The following STRIP1 variants were observed in gnomAD, a reference collection of about 807,000 sequenced individuals.
The protein encoded by STRIP1 is striatin interacting protein 1, also known as striatin-interacting protein 1.
STRIP1 carries 63 observed loss-of-function variants against 106.2 expected under a neutral mutation model. That is an observed-to-expected ratio of 0.59 (90% confidence interval 0.48 to 0.73). The LOEUF (loss-of-function observed/expected upper bound fraction) is 0.73, where lower values mean the gene tolerates loss of function less well. STRIP1 is among the 30% of genes least tolerant of loss of function. STRIP1 has a pLI of 0.00. For synonymous variants in STRIP1, 390 were observed against 413.0 expected, an observed-to-expected ratio of 0.94 and a Z score of 0.67; for missense variants, 857 against 1,074.8, an observed-to-expected ratio of 0.80 and a Z score of 2.83.
In STRIP1 at chr1:110,037,874, T is replaced by A. The variant is rs1211484905; in HGVS notation, c.181-17T>A. 9 of 1,583,898 alleles carry A rather than the reference T, an allele frequency of 5.7e-6. No individual in the cohort carries two copies. The highest frequency in any genetic ancestry group is 6.9e-6 in the Non-Finnish European group (8 of 1,153,314). On this transcript the variant is annotated splice_polypyrimidine_tract_variant and intron_variant, in intron 1 of 20. Transcript: ENST00000369795. Reference sequence around the variant, plus strand: ...AGAATGATCCTTTTTCCTAAAGCTCTCTCCTCTTGTCAGCAGGGCTATTCG... The same window carrying A: ...AGAATGATCCTTTTTCCTAAAGCTCACTCCTCTTGTCAGCAGGGCTATTCG...
In STRIP1 at chr1:110,047,797, C is replaced by A; in HGVS notation, c.1589C>A (p.Ala530Asp). The change falls in exon 15 of 21, where the codon GCT becomes GAT. Residue 530 changes from alanine (A) to aspartate (D), a missense_variant. Around this residue, in one of 2 missense-constraint regions of STRIP1, gnomAD observed 750 missense variants for 989.8 expected, o/e 0.76. Coordinates refer to ENST00000369795, the MANE Select transcript of STRIP1 (RefSeq NM_033088.4). ...ATTGCCCTCCTGAAGATCCTGTTGGCTGCAGCACCCACCTCAAAAGCCAAA... is the reference window on the plus strand; with the variant it reads ...ATTGCCCTCCTGAAGATCCTGTTGGATGCAGCACCCACCTCAAAAGCCAAA... ...YMIALLKILL[A>D]AAPTSKAKTD... is the part of the protein sequence containing the mutation. The A allele has an allele frequency of 6.4e-7, 1 of 1,570,808 alleles. No homozygotes were observed. The highest frequency in any genetic ancestry group is 1.2e-5 in the South Asian group (1 of 85,620).
chr1:110,041,513 T>C, intron 6 of STRIP1, 23 bp from the exon 7 acceptor site: 1 of 1,594,278 alleles, frequency 6.3e-7, no homozygotes, highest in Non-Finnish European at 8.6e-7. Context: ...CCCACTCCAT[T>C]GTGAGCTGGC....
At chr1:110,045,199 G>T (rs994616248) in intron 12 of STRIP1, 121 bp downstream of exon 12, 34 of 823,534 alleles carry the variant, frequency 4.1e-5, no homozygotes, top group Non-Finnish European at 6.6e-5. Context: ...GTAGAGGCCG[G>T]GGTGGACTTT....
chr1:110,037,782 A>C, intron 1 of STRIP1, 109 bp from the exon 2 acceptor site: 1 of 731,414 alleles, frequency 1.4e-6, no homozygotes, highest in Non-Finnish European at 2.3e-6. Context: ...GAAAAAACAT[A>C]AAAAAGTGGA....
chr1:110,034,561 T>G (rs950194051), upstream of STRIP1: 4 of 1,435,816 alleles, frequency 2.8e-6, no homozygotes, highest in East Asian at 5.9e-5. Flanking sequence ...GCCAGGGAAA[T>G]TTCCTGGAGA....
intron 13 of STRIP1, among the ~76,000 whole-genome samples, chr1:110,046,968 T>C (rs1653054876): frequency 6.6e-6 from 1 of 151,762 alleles, no homozygotes; most frequent in East Asian, 1.9e-4. Flanking sequence ...AAGAATGACG[T>C]GAACCCGGGA....
intron 17 of STRIP1, 181 bp from the exon 18 acceptor site, chr1:110,050,162 C>A: frequency 1.6e-6 from 1 of 606,396 alleles, no homozygotes. Context: ...TACAAGTTCT[C>A]TTGTAACAGA....
intron 17 of STRIP1, 123 bp downstream of exon 17, chr1:110,049,683 CAT>C (rs934808648): frequency 2.4e-5 from 16 of 671,666 alleles, no homozygotes; most frequent in African/African-American, 3.6e-5. Context: ...GGCATCAAGA[CAT>C]AAAGATAAAT....
At chr1:110,050,874 G>A in intron 18 of STRIP1, 82 bp from the exon 19 acceptor site, 2 of 818,614 alleles carry the variant, frequency 2.4e-6, no homozygotes, top group Non-Finnish European at 4.3e-6. Context: ...CGGCTGTCCT[G>A]AGATCATGTG....
upstream of STRIP1, chr1:110,034,576 C>G (rs1462344618): frequency 6.9e-7 from 1 of 1,446,066 alleles, no homozygotes; most frequent in Non-Finnish European, 9.1e-7. Context: ...TGGAGAAAAT[C>G]ACGCGAGAGT....
chr1:110,050,423 C>A lies in STRIP1; in HGVS notation c.1956+14C>A. On this transcript the variant is annotated intron_variant, in intron 18 of 20. Coordinates refer to ENST00000369795, the MANE Select transcript of STRIP1 (RefSeq NM_033088.4). ...GCGGAGAGTTTGGTGAGTGGCTGGG[C>A]TCTCCTCAGCTGTCCTTTTGGCACC... 6.2e-7 allele frequency: 1 copy of A among 1,613,560 alleles called. No individual in the cohort carries two copies.
chr1:110,048,700 G>C (rs998863646), intron 15 of STRIP1, among the ~76,000 whole-genome samples: 7 of 152,236 alleles, frequency 4.6e-5, no homozygotes, highest in African/African-American at 1.7e-4. Context: ...AGAAACCAAT[G>C]TAACTCAGTG....
chr1:110,049,284 G>A, intron 16 of STRIP1, 46 bp downstream of exon 16: 3 of 1,612,858 alleles, frequency 1.9e-6, no homozygotes, highest in Non-Finnish European at 8.5e-7. Flanking sequence ...GGGGCCTCGG[G>A]CACTGCTGCT....
chr1:110,038,648 A>G (rs1652609967), intron 2 of STRIP1, 35 bp from the exon 3 acceptor site: 1 of 1,590,576 alleles, frequency 6.3e-7, no homozygotes, highest in Non-Finnish European at 8.6e-7. Flanking sequence ...CAATGCAGAC[A>G]TGGAACCAAT....
chr1:110,037,795 C>T, intron 1 of STRIP1, 96 bp from the exon 2 acceptor site: 1 of 819,982 alleles, frequency 1.2e-6, no homozygotes, highest in Non-Finnish European at 2.0e-6. Flanking sequence ...AAAGTGGAGG[C>T]AGTGGTGTCC....
At chr1:110,040,448 C>T (rs1002362824) in intron 5 of STRIP1, among the ~76,000 whole-genome samples, 187 bp from the exon 6 acceptor site, 1 of 152,230 alleles carries the variant, frequency 6.6e-6, no homozygotes, top group Non-Finnish European at 1.5e-5. Flanking sequence ...TCCCGAAGTA[C>T]TGGGATTACA....
At chr1:110,036,397 T>C (rs2101763775) in intron 1 of STRIP1, among the ~76,000 whole-genome samples, 1 of 152,154 alleles carries the variant, frequency 6.6e-6, no homozygotes, top group South Asian at 2.1e-4. Flanking sequence ...AGATTTGCAG[T>C]GAGCCGAGAT....
In STRIP1 at chr1:110,053,762, C is replaced by G. The variant is rs1363965244; in HGVS notation, c.2364C>G (p.Ser788Arg). ...CCCGGCGCTATGACCGGGCCCACAG[C>G]AACCCTGACTTCCTGCCAGTGGACA... ...FNARRYDRAHSNPDFLPVDNC... is the reference protein window; with the variant it reads ...FNARRYDRAHRNPDFLPVDNC... The change falls in exon 21 of 21, where the codon AGC becomes AGG. Residue 788 changes from serine to arginine, a missense_variant. Physicochemically the swap from Ser to Arg is moderately radical, Grantham distance 110. This residue lies in a region of STRIP1 where 750 missense variants were observed against 989.8 expected (regional missense o/e 0.76). Transcript: ENST00000369795. 6.2e-7 allele frequency: 1 copy of G among 1,614,080 alleles called. No individual in the cohort carries two copies. The highest frequency in any genetic ancestry group is 8.5e-7 in the Non-Finnish European group (1 of 1,180,048).
chr1:110,039,338 C>G (rs759303061), intron 4 of STRIP1, 32 bp downstream of exon 4: 2 of 1,613,896 alleles, frequency 1.2e-6, no homozygotes, highest in Non-Finnish European at 1.7e-6. Context: ...GGTTCCCTGG[C>G]ACCTCTGCCC....
Sources: gnomAD v4.1 joint callset for allele counts (sites outside exome capture counted in the v4.1 genomes callset) on GRCh38, gnomAD v4.1.1 for gene constraint, gnomAD v4.1.1 regional missense constraint, MANE v1.5 for transcripts, NCBI Gene and HGNC (gene_info 2026-07-23, HGNC 2026-07-21) for gene names.